Variants in BRCA2 observed in about 807,000 individuals in gnomAD.
BRCA2 encodes BRCA2 DNA repair associated.
Under a neutral mutation model 276.7 loss-of-function variants are expected in BRCA2, and 203 were observed. That is an observed-to-expected ratio of 0.73 (90% CI 0.65 to 0.82). The LOEUF (loss-of-function observed/expected upper bound fraction) is 0.82. BRCA2 is among the 40% of genes least tolerant of loss of function. The pLI is 0.00. For missense variants in BRCA2, 3,920 were observed against 3,915.0 expected, an observed-to-expected ratio of 1.00 and a Z score of -0.03; for synonymous variants, 1,289 against 1,338.4, an observed-to-expected ratio of 0.96 and a Z score of 0.81.
chr13:32,334,997 A>C (rs1438511201), intron 10 of BRCA2, among the ~76,000 whole-genome samples: 1 of 152,208 alleles, frequency 6.6e-6, no homozygotes, highest in Non-Finnish European at 1.5e-5. Context: ...TTTGGGTTAA[A>C]TTTTTAGAGG....
Position 32,363,548 on chromosome 13 carries a change from A to G in BRCA2, c.8331+15A>G, listed in dbSNP as rs550087774. ...TTATGTTAAAGGTAAATTAATTTGC[A>G]CTCTTGGTAAAAATCAGTCATTGAT... is the stretch of plus-strand genomic sequence containing the variant. On this transcript the variant is annotated intron_variant, in intron 18 of 26. Coordinates refer to ENST00000380152, the MANE Select transcript of BRCA2 (RefSeq NM_000059.4). 1.9e-6 allele frequency: 3 copies of G among 1,601,498 alleles called. No homozygotes were observed. Among genetic ancestry groups the G allele is most frequent in the Non-Finnish European group, 1.7e-6 (2 of 1,169,010 alleles).
chr13:32,320,065 G>A (rs1236916330), intron 3 of BRCA2, among the ~76,000 whole-genome samples: 1 of 152,122 alleles, frequency 6.6e-6, no homozygotes, highest in East Asian at 1.9e-4. Flanking sequence ...CTAGGCAGAG[G>A]GAACAACATG....
At chr13:32,380,889 G>T (rs150108966) in intron 24 of BRCA2, among the ~76,000 whole-genome samples, 1 of 152,292 alleles carries the variant, frequency 6.6e-6, no homozygotes, top group African/African-American at 2.4e-5. Context: ...AAGTTCAATA[G>T]CATGAATCTG....
chr13:32,393,120 A>G (rs2137648661), intron 24 of BRCA2, among the ~76,000 whole-genome samples: 1 of 152,306 alleles, frequency 6.6e-6, no homozygotes, highest in Non-Finnish European at 1.5e-5. Flanking sequence ...TACTGATCTT[A>G]ATCACTTGAT....
At chr13:32,356,199 C>T (rs1326744874) in intron 14 of BRCA2, among the ~76,000 whole-genome samples, 4 of 151,522 alleles carry the variant, frequency 2.6e-5, no homozygotes, top group Non-Finnish European at 5.9e-5. Context: ...TGTGCCACCA[C>T]ACCTGGCTAC....
rs2072822237 is a variant in BRCA2 at position 32,370,514 on chromosome 13, T to C, written c.8444T>C (p.Val2815Ala). Reference sequence around the variant, plus strand: ...TCGCTTTTCAGTGATGGAGGAAATGTTGGTTGTGTTGATGTAATTATTCAA... The same window carrying C: ...TCGCTTTTCAGTGATGGAGGAAATGCTGGTTGTGTTGATGTAATTATTCAA... Reference protein sequence around the residue: ...LSSLFSDGGNVGCVDVIIQRA... With the variant: ...LSSLFSDGGNAGCVDVIIQRA... Residue 2815 changes from valine to alanine, a missense_variant, in exon 19 of 27, where the codon GTT becomes GCT. This residue lies in a region of BRCA2 where 657 missense variants were observed against 758.2 expected (regional missense o/e 0.87). Coordinates refer to ENST00000380152, the MANE Select transcript of BRCA2 (RefSeq NM_000059.4). 1 of 1,613,766 alleles carries C rather than the reference T, an allele frequency of 6.2e-7. No individual in the cohort carries two copies. Among genetic ancestry groups the C allele is most frequent in the African/African-American group, 1.3e-5 (1 of 74,932 alleles).
At position 32,339,050 on chromosome 13, in the gene BRCA2, G is replaced by T. The variant is rs587782522; in HGVS notation, c.4695G>T (p.Lys1565Asn). ...CCAGTTTTAGCCATCAATGGGCAAA[G>T]ACCCTAAAGTACAGAGAGGCCTGTA... ...EITSFSHQWA[K>N]TLKYREACKD... The change falls in exon 11 of 27, where the codon AAG (lysine) becomes AAT (asparagine). Residue 1565 changes from lysine (K) to asparagine (N), a missense_variant. Coordinates refer to ENST00000380152, the MANE Select transcript of BRCA2 (RefSeq NM_000059.4). 3 of 1,613,890 alleles carry T rather than the reference G, an allele frequency of 1.9e-6. No individual in the cohort carries two copies. Among genetic ancestry groups the T allele is most frequent in the Non-Finnish European group, 2.5e-6 (3 of 1,179,950 alleles).
At chr13:32,396,469 C>A (rs2073037745) in intron 25 of BRCA2, among the ~76,000 whole-genome samples, 1 of 152,186 alleles carries the variant, frequency 6.6e-6, no homozygotes, top group African/African-American at 2.4e-5. Context: ...TCAATTAATT[C>A]TTGGAACAGA....
In BRCA2 at chr13:32,398,704, C is replaced by T. The variant is rs1131692134; in HGVS notation, c.10191C>T (p.Ser3397=). The change falls in exon 27 of 27, where the codon TCC becomes TCT. Residue 3397 remains serine, a synonymous_variant. Coordinates refer to ENST00000380152, the MANE Select transcript of BRCA2 (RefSeq NM_000059.4). ...CTCTGATCAAAGAACAGGAGAGTTC[C>T]CAGGCCAGTACGGAAGAATGTGAGA... is the stretch of plus-strand genomic sequence containing the variant. ...TTSLIKEQES[S]QASTEECEKN... The T allele has an allele frequency of 2.5e-6, 4 of 1,614,036 alleles. No individual in the cohort carries two copies. Among genetic ancestry groups the T allele is most frequent in the African/African-American group, 2.7e-5 (2 of 75,016 alleles).
chr13:32,394,776 A>T lies in BRCA2; in HGVS notation c.9344A>T (p.Lys3115Met), dbSNP rs276174923. ...ATAGACCTTAATGAGGACATTATTA[A>T]GCCTCATATGTTAATTGCTGCAAGC... ...FWIDLNEDII[K>M]PHMLIAASNL... is the part of the protein sequence containing the mutation. The change falls in exon 25 of 27, where the codon AAG becomes ATG. Residue 3115 changes from lysine (K) to methionine (M), a missense_variant. Lys to Met is a moderately conservative substitution (Grantham distance 95). Transcript: ENST00000380152. 6.2e-7 allele frequency: 1 copy of T among 1,614,120 alleles called. No homozygotes were observed. Among genetic ancestry groups the T allele is most frequent in the Non-Finnish European group, 8.5e-7 (1 of 1,179,992 alleles).
chr13:32,327,472 C>T lies in BRCA2; in HGVS notation c.631+859C>T, dbSNP rs536483479. Among the ~76,000 whole-genome samples the T allele has an allele frequency of 7.9e-5, 12 of 150,998 alleles. No individual in the cohort carries two copies. In the South Asian group the frequency reaches 1.9e-3, roughly 24 times the overall value. ...GGATCACGAGGTCAGGAGATCGAGACCATCCTGGCTAACGTGGTGAAACCC... is the reference window on the plus strand; with the variant it reads ...GGATCACGAGGTCAGGAGATCGAGATCATCCTGGCTAACGTGGTGAAACCC... On this transcript the variant is annotated intron_variant, in intron 7 of 26. Coordinates refer to ENST00000380152, the MANE Select transcript of BRCA2 (RefSeq NM_000059.4).
intron 21 of BRCA2, among the ~76,000 whole-genome samples, chr13:32,378,596 T>G (rs1181171339): frequency 6.6e-6 from 1 of 152,220 alleles, no homozygotes; most frequent in Non-Finnish European, 1.5e-5. Flanking sequence ...CGGTAGAGAT[T>G]AGGATATTAA....
rs751787816 is a variant in BRCA2, at chr13:32,379,767, C to T, written c.8971C>T (p.Arg2991Cys). The T allele has an allele frequency of 3.1e-6, 5 of 1,611,520 alleles. No homozygotes were observed. Among genetic ancestry groups the T allele is most frequent in the East Asian group, 4.5e-5 (2 of 44,836 alleles). ...CCAAACAGTTATACTGAGTATTTGG[C>T]GTCCATCATCAGATTTATATTCTCT... ...EKDSVILSIWRPSSDLYSLLT... is the reference protein window; with the variant it reads ...EKDSVILSIWCPSSDLYSLLT... The change falls in exon 23 of 27, where the codon CGT becomes TGT. Residue 2991 changes from arginine to cysteine, a missense_variant. Physicochemically the swap from Arg to Cys is radical, Grantham distance 180. This residue lies in a region of BRCA2 where 657 missense variants were observed against 758.2 expected (regional missense o/e 0.87). Transcript: ENST00000380152.
At chr13:32,391,802 T>A (rs2137646723) in intron 24 of BRCA2, among the ~76,000 whole-genome samples, 1 of 152,368 alleles carries the variant, frequency 6.6e-6, no homozygotes, top group South Asian at 2.1e-4. Flanking sequence ...TTCTTCCAGT[T>A]GTTATCAGTT....
At chr13:32,373,409 G>A (rs2072848679) in intron 20 of BRCA2, among the ~76,000 whole-genome samples, 1 of 151,912 alleles carries the variant, frequency 6.6e-6, no homozygotes, top group African/African-American at 2.4e-5. Flanking sequence ...CAGAGGCTGA[G>A]GCAGGAGAAT....
chr13:32,365,420 G>A (rs2072774352), intron 18 of BRCA2, among the ~76,000 whole-genome samples: 1 of 151,866 alleles, frequency 6.6e-6, no homozygotes, highest in African/African-American at 2.4e-5. Context: ...CGCTCTTGTT[G>A]CCCAGGCTGG....
chr13:32,328,244 C>T lies in BRCA2; in HGVS notation c.632-1199C>T, dbSNP rs531627369. ...AACATTCTTTCTCTTTTTTCTTTTT[C>T]GTTTTTTTTTTTTTTGAGGCGGAGT... On this transcript the variant is annotated intron_variant, in intron 7 of 26. Coordinates refer to ENST00000380152, the MANE Select transcript of BRCA2 (RefSeq NM_000059.4). 6.1e-5 allele frequency among the ~76,000 whole-genome samples: 9 copies of T among 147,966 alleles called. No individual in the cohort carries two copies. Among genetic ancestry groups the T allele is most frequent in the African/African-American group, 1.7e-4 (7 of 40,170 alleles).
At position 32,336,295 on chromosome 13, in the gene BRCA2, G is replaced by A. The variant is rs1555282368; in HGVS notation, c.1940G>A (p.Cys647Tyr). Residue 647 changes from cysteine to tyrosine, a missense_variant, in exon 11 of 27, where the codon TGT becomes TAT. This residue lies in a region of BRCA2 where 3,263 missense variants were observed against 3,156.9 expected (regional missense o/e 1.03). Transcript: ENST00000380152. ...GLLHSSVKRS[C>Y]SQNDSEEPTL... is the part of the protein sequence containing the mutation. Reference sequence around the variant, plus strand: ...TTGCATTCTTCTGTGAAAAGAAGCTGTTCACAGAATGATTCTGAAGAACCA... The same window carrying A: ...TTGCATTCTTCTGTGAAAAGAAGCTATTCACAGAATGATTCTGAAGAACCA... The A allele has an allele frequency of 6.2e-7, 1 of 1,603,064 alleles. No homozygotes were observed.
At chr13:32,377,504 C>T (rs1179621882) in intron 21 of BRCA2, among the ~76,000 whole-genome samples, 1 of 150,552 alleles carries the variant, frequency 6.6e-6, no homozygotes, top group Non-Finnish European at 1.5e-5. Flanking sequence ...GCAGGAGAAT[C>T]GCTTGAATCC....
Sources: gnomAD v4.1 joint callset for allele counts (sites outside exome capture counted in the v4.1 genomes callset) on GRCh38, gnomAD v4.1.1 for gene constraint, gnomAD v4.1.1 regional missense constraint, MANE v1.5 for transcripts, NCBI Gene and HGNC (gene_info 2026-07-23, HGNC 2026-07-21) for gene names.